CAND1: variants seen among roughly 807,000 people sequenced by gnomAD.
The protein encoded by CAND1 is cullin associated and neddylation dissociated 1.
In CAND1, 7 loss-of-function variants were observed where a neutral mutation model predicts 108.5. The observed-to-expected ratio is 0.06, with a 90% CI of 0.04 to 0.12. The LOEUF is 0.12. CAND1 is among the 10% of genes least tolerant of loss of function. The probability of loss-of-function intolerance (pLI) is 1.00; values close to 1 mark genes in which losing one functional copy is unlikely to be tolerated. For synonymous variants in CAND1, 534 were observed against 512.0 expected (o/e 1.04, Z -0.58); for missense variants, 941 against 1,448.7 (o/e 0.65, Z 5.69).
At chr12:67,297,720 T>C in intron 5 of CAND1, 28 bp from the exon 6 acceptor site, 1 of 1,582,904 alleles carries the variant, frequency 6.3e-7, no homozygotes, top group South Asian at 1.2e-5. Flanking sequence ...TAATGCATGT[T>C]TTTAAAGAAC....
At position 67,302,682 on chromosome 12, in the gene CAND1, A is replaced by G. The variant is rs897769714; in HGVS notation, c.1293+67A>G. On this transcript the variant is annotated intron_variant, in intron 8 of 14. Coordinates refer to ENST00000545606, the MANE Select transcript of CAND1 (RefSeq NM_018448.5). ...GCAATGCTTTTAAAATTGTCTTTAT[A>G]TGGAAAGGTGAGTTCCAGAATATCT... 13 of 1,410,060 alleles carry G rather than the reference A, an allele frequency of 9.2e-6. No homozygotes were observed. The African/African-American group carries it at 1.6e-4, about 17-fold the overall frequency. 87.3% of individuals were successfully genotyped at this position (1,410,060 alleles called of 1,614,324 possible). A position where few individuals can be genotyped will look rare whatever the true frequency, so the allele number is the denominator to read the frequency against.
Position 67,294,321 on chromosome 12 carries a change from C to T in CAND1, c.368-712C>T, listed in dbSNP as rs1283176099. Among the ~76,000 whole-genome samples the T allele has an allele frequency of 3.3e-5, 5 of 152,028 alleles. No individual in the cohort carries two copies. In the South Asian group the frequency reaches 8.3e-4, roughly 25 times the overall value. On this transcript the variant is annotated intron_variant, in intron 3 of 14. Coordinates refer to ENST00000545606, the MANE Select transcript of CAND1 (RefSeq NM_018448.5). ...CAATTCTGATTTATGAGTCCTGGAA[C>T]GAGGTTTCTGCTTTATAATGAAGTT...
intron 2 of CAND1, among the ~76,000 whole-genome samples, chr12:67,282,370 T>G (rs1244367486): frequency 6.6e-6 from 1 of 152,152 alleles, no homozygotes; most frequent in Admixed American, 6.5e-5. Flanking sequence ...CTTTCCTCTA[T>G]GTATCTCTGT....
Position 67,304,729 on chromosome 12 carries a change from T to C in CAND1, c.1418T>C (p.Ile473Thr). The C allele has an allele frequency of 6.2e-7, 1 of 1,613,656 alleles. No homozygotes were observed. The highest frequency in any genetic ancestry group is 1.1e-5 in the South Asian group (1 of 91,008). Residue 473 changes from isoleucine to threonine, a missense_variant, in exon 9 of 15, where the codon ATT becomes ACT. Coordinates refer to ENST00000545606, the MANE Select transcript of CAND1 (RefSeq NM_018448.5). The stretch of plus-strand genomic sequence containing the variant: ...TTACCTGGGGCCCTAACTCAACACA[T>C]TCCTGTACTTGTACCAGGTATGAAA... ...NVLPGALTQH[I>T]PVLVPGIIFS...
rs1237708313 is a variant in CAND1, at chr12:67,297,601, C to T, written c.686C>T (p.Ser229Leu). The change falls in exon 5 of 15, where the codon TCA becomes TTA. Residue 229 changes from serine (S) to leucine (L), a missense_variant. Around this residue, in one of 9 missense-constraint regions of CAND1, gnomAD observed 697 missense variants for 942.0 expected, o/e 0.74. Transcript: ENST00000545606. ...LSELSKNDSMSTTRTYIQCIA... is the reference protein window; with the variant it reads ...LSELSKNDSMLTTRTYIQCIA... ...GAGTTGTCCAAAAATGATTCTATGT[C>T]AACAACAAGAACCTACATACAATGT... 1.9e-6 allele frequency: 3 copies of T among 1,613,870 alleles called. No homozygotes were observed. Among genetic ancestry groups the T allele is most frequent in the East Asian group, 2.2e-5 (1 of 44,868 alleles).
chr12:67,274,827 A>AT (rs2044554375), intron 1 of CAND1, among the ~76,000 whole-genome samples: 1 of 152,192 alleles, frequency 6.6e-6, no homozygotes, highest in Non-Finnish European at 1.5e-5. Flanking sequence ...TGTAAAAAAA[A>AT]CTCAAGCCTT....
At chr12:67,281,044 C>A (rs1249399851) in intron 1 of CAND1, among the ~76,000 whole-genome samples, 1 of 151,980 alleles carries the variant, frequency 6.6e-6, no homozygotes, top group Non-Finnish European at 1.5e-5. Flanking sequence ...AGTTCAAGAC[C>A]AGCCTGGGCA....
chr12:67,307,259 C>A, intron 10 of CAND1, 138 bp from the exon 11 acceptor site: 1 of 628,940 alleles, frequency 1.6e-6, no homozygotes, highest in Non-Finnish European at 2.9e-6. Flanking sequence ...TTCATGTGTG[C>A]AATAAGAAAT....
At chr12:67,292,862 G>A in intron 3 of CAND1, 86 bp downstream of exon 3, 1 of 1,302,258 alleles carries the variant, frequency 7.7e-7, no homozygotes, top group Non-Finnish European at 1.1e-6. Flanking sequence ...GCCAAGGAGG[G>A]AGGGAGGTGG....
Position 67,307,484 on chromosome 12 carries a change from A to G in CAND1, c.3017A>G (p.Asn1006Ser). 6.2e-7 allele frequency: 1 copy of G among 1,602,770 alleles called. No homozygotes were observed. The highest frequency in any genetic ancestry group is 8.5e-7 in the Non-Finnish European group (1 of 1,171,664). ...CAACCTATTGATCCACTGTTAAAGA[A>G]CTGCATAGGTAAGTGGAAACAAAGA... is the stretch of plus-strand genomic sequence containing the variant. ...HPQPIDPLLK[N>S]CIGDFLKTLE... Residue 1006 changes from asparagine to serine, a missense_variant, in exon 11 of 15, where the codon AAC becomes AGC. By Grantham distance (46) the Asn-to-Ser change is conservative (BLOSUM62 1). This residue lies in a region of CAND1 where 106 missense variants were observed against 182.0 expected (regional missense o/e 0.58). Transcript: ENST00000545606.
chr12:67,278,841 A>G (rs2044594110), intron 1 of CAND1, among the ~76,000 whole-genome samples: 1 of 152,188 alleles, frequency 6.6e-6, no homozygotes, highest in Non-Finnish European at 1.5e-5. Flanking sequence ...TCTTGATAAC[A>G]CTTTCCTTCA....
Position 67,317,546 on chromosome 12 carries a change from A to G in CAND1, c.*4716A>G, listed in dbSNP as rs1214353131. On this transcript the variant is annotated 3_prime_UTR_variant, in exon 15 of 15. Transcript: ENST00000545606. ...CTCCCAGGCTGGAGTGCAGTGGCGCAATATCGGCTCACTGCAACCTCTGCC... is the reference window on the plus strand; with the variant it reads ...CTCCCAGGCTGGAGTGCAGTGGCGCGATATCGGCTCACTGCAACCTCTGCC... 7.3e-6 allele frequency: 1 copy of G among 136,956 alleles called. No individual in the cohort carries two copies. Among genetic ancestry groups the G allele is most frequent in the Non-Finnish European group, 1.5e-5 (1 of 65,976 alleles). 8.5% of individuals were successfully genotyped at this position (136,956 alleles called of 1,614,324 possible).
In CAND1 at chr12:67,297,594, T is replaced by G. The variant is rs2044781764; in HGVS notation, c.679T>G (p.Ser227Ala). ...GTTGTCAGAGTTGTCCAAAAATGAT[T>G]CTATGTCAACAACAAGAACCTACAT... The part of the protein sequence containing the change: ...HLLSELSKND[S>A]MSTTRTYIQC... Residue 227 changes from serine (S) to alanine (A), a missense_variant, in exon 5 of 15, where the codon TCT becomes GCT. This residue lies in a region of CAND1 where 697 missense variants were observed against 942.0 expected (regional missense o/e 0.74). Coordinates refer to ENST00000545606, the MANE Select transcript of CAND1 (RefSeq NM_018448.5). 9 of 1,613,952 alleles carry G rather than the reference T, an allele frequency of 5.6e-6. No homozygotes were observed. The highest frequency in any genetic ancestry group is 7.6e-6 in the Non-Finnish European group (9 of 1,179,962).
rs753976952 is a variant in CAND1, at chr12:67,281,962, T to C, written c.121T>C (p.Leu41=). ...MTELQKDSIK[L]DDDSERKVVK... ...GGAACTGCAGAAAGATTCCATCAAG[T>C]TGGATGATGATAGTGAAAGGAAAGT... The change falls in exon 2 of 15, where the codon TTG becomes CTG. Residue 41 remains leucine (L), a synonymous_variant. Transcript: ENST00000545606. 44 of 1,610,862 alleles carry C rather than the reference T, an allele frequency of 2.7e-5. No individual in the cohort carries two copies. The highest frequency in any genetic ancestry group is 3.7e-5 in the Non-Finnish European group (43 of 1,177,770).
At chr12:67,280,432 T>G (rs58559744) in intron 1 of CAND1, among the ~76,000 whole-genome samples, 13,449 of 152,286 alleles carry the variant, frequency 0.088, 1,305 homozygotes, top group African/African-American at 0.24. Flanking sequence ...TGTTTATCAA[T>G]TCAGCTCCAA....
chr12:67,269,665 G>T lies in CAND1; in HGVS notation c.-53G>T, dbSNP rs2044498122. 2 of 1,508,168 alleles carry T rather than the reference G, an allele frequency of 1.3e-6. No individual in the cohort carries two copies. The highest frequency in any genetic ancestry group is 1.4e-5 in the African/African-American group (1 of 70,192). 93.4% of individuals were successfully genotyped at this position (1,508,168 alleles called of 1,614,324 possible). A position where few individuals can be genotyped will look rare whatever the true frequency, so the allele number is the denominator to read the frequency against. On this transcript the variant is annotated 5_prime_UTR_variant, in exon 1 of 15. Coordinates refer to ENST00000545606, the MANE Select transcript of CAND1 (RefSeq NM_018448.5). The stretch of plus-strand genomic sequence containing the variant: ...CAGTGGCGGCGGCGGCGGCGGCAGC[G>T]GCAGCGGGCAGCAGCTCCAGCAGCG...
intron 8 of CAND1, among the ~76,000 whole-genome samples, chr12:67,303,698 T>C (rs2044848980): frequency 1.3e-5 from 2 of 152,172 alleles, no homozygotes; most frequent in Admixed American, 1.3e-4. Context: ...TTTGCATCCG[T>C]AAGATTTGTT....
At chr12:67,308,530 A>G (rs2044913039) in intron 11 of CAND1, among the ~76,000 whole-genome samples, 1 of 152,112 alleles carries the variant, frequency 6.6e-6, no homozygotes, top group South Asian at 2.1e-4. Flanking sequence ...TGCATTGTTG[A>G]TACAGTTACT....
intron 2 of CAND1, among the ~76,000 whole-genome samples, chr12:67,285,535 G>A (rs1454631415): frequency 2.0e-5 from 3 of 152,128 alleles, no homozygotes; most frequent in Non-Finnish European, 4.4e-5. Context: ...TAAATATTAT[G>A]TCTCTATAAT....
Sources: gnomAD v4.1 joint callset for allele counts (sites outside exome capture counted in the v4.1 genomes callset) on GRCh38, gnomAD v4.1.1 for gene constraint, gnomAD v4.1.1 regional missense constraint, MANE v1.5 for transcripts, NCBI Gene and HGNC (gene_info 2026-07-23, HGNC 2026-07-21) for gene names.